Variants in KCNH7 observed in about 807,000 individuals in gnomAD.
KCNH7 encodes potassium voltage-gated channel subfamily H member 7.
A neutral mutation model predicts 120.8 loss-of-function variants in KCNH7; 49 were observed. The ratio of observed to expected loss-of-function variants is 0.41; its 90% CI spans 0.32 to 0.51. KCNH7 has a LOEUF of 0.51. KCNH7 is among the 20% of genes least tolerant of loss of function. KCNH7 has a pLI of 0.38. For synonymous variants in KCNH7, 547 were observed against 516.1 expected, an observed-to-expected ratio of 1.06 and a Z score of -0.81; for missense variants, 1,097 against 1,446.6, an observed-to-expected ratio of 0.76 and a Z score of 3.92.
At chr2:162,693,276 T>C (rs1686178054) in intron 2 of KCNH7, among the ~76,000 whole-genome samples, 1 of 152,116 alleles carries the variant, frequency 6.6e-6, no homozygotes, top group Non-Finnish European at 1.5e-5. Context: ...CACAAAAAAA[T>C]GATCACATCC....
At chr2:162,671,143 T>C (rs1161432115) in intron 2 of KCNH7, among the ~76,000 whole-genome samples, 1 of 152,036 alleles carries the variant, frequency 6.6e-6, no homozygotes, top group Non-Finnish European at 1.5e-5. Context: ...AATTAGTTCA[T>C]CTATGGAAAA....
At chr2:162,594,585 G>T (rs577263918) in intron 2 of KCNH7, among the ~76,000 whole-genome samples, 4 of 151,940 alleles carry the variant, frequency 2.6e-5, no homozygotes, top group African/African-American at 9.7e-5. Context: ...CTTCATATCT[G>T]TTGGTTCCAC....
At chr2:162,403,320 C>T (rs975700951) in intron 9 of KCNH7, among the ~76,000 whole-genome samples, 2 of 151,904 alleles carry the variant, frequency 1.3e-5, no homozygotes, top group Admixed American at 6.6e-5. Context: ...ATTGCATCAC[C>T]GCTTTAAGAA....
chr2:162,684,564 G>T (rs1685820409), intron 2 of KCNH7, among the ~76,000 whole-genome samples: 1 of 152,062 alleles, frequency 6.6e-6, no homozygotes, highest in African/African-American at 2.4e-5. Context: ...CTTCTCAAAA[G>T]AAGACATTTA....
intron 2 of KCNH7, among the ~76,000 whole-genome samples, chr2:162,551,251 A>C (rs1011022670): frequency 3.3e-5 from 5 of 152,188 alleles, no homozygotes; most frequent in Non-Finnish European, 7.3e-5. Flanking sequence ...ATTACTCAAC[A>C]TTCCAGGGGA....
intron 2 of KCNH7, among the ~76,000 whole-genome samples, chr2:162,756,384 A>T (rs986772440): frequency 1.3e-5 from 2 of 152,124 alleles, no homozygotes; most frequent in Admixed American, 6.6e-5. Context: ...ACTCTTCATT[A>T]ATGCTGTTGA....
intron 2 of KCNH7, among the ~76,000 whole-genome samples, chr2:162,558,275 C>T (rs1574099690): frequency 2.6e-5 from 4 of 151,722 alleles, no homozygotes; most frequent in East Asian, 1.9e-4. Context: ...CCTGGGTTCA[C>T]GCCATTCTCC....
At chr2:162,620,161 T>TAG (rs200537689) in intron 2 of KCNH7, among the ~76,000 whole-genome samples, 3 of 149,330 alleles carry the variant, frequency 2.0e-5, no homozygotes, top group African/African-American at 4.9e-5. Flanking sequence ...GATATATATA[T>TAG]AGAGAGAGAG....
intron 8 of KCNH7, among the ~76,000 whole-genome samples, chr2:162,426,374 T>C (rs747131845): frequency 2.6e-5 from 4 of 152,160 alleles, no homozygotes; most frequent in Non-Finnish European, 2.9e-5. Flanking sequence ...AAAATACTTA[T>C]GTTCTGTACA....
At chr2:162,503,243 T>G (rs116109162) in intron 6 of KCNH7, among the ~76,000 whole-genome samples, 2,331 of 152,058 alleles carry the variant, frequency 0.015, 63 homozygotes, top group African/African-American at 0.054. Context: ...TCCTATATAT[T>G]CATATAATGG....
At chr2:162,619,459 T>C (rs555810796) in intron 2 of KCNH7, among the ~76,000 whole-genome samples, 7 of 92,988 alleles carry the variant, frequency 7.5e-5, no homozygotes, top group African/African-American at 3.5e-4. Context: ...CACTCAATTG[T>C]TAAAAAAAAA....
At chr2:162,751,533 A>G (rs966925276) in intron 2 of KCNH7, among the ~76,000 whole-genome samples, 1 of 152,014 alleles carries the variant, frequency 6.6e-6, no homozygotes, top group Non-Finnish European at 1.5e-5. Flanking sequence ...AATTCATGAT[A>G]TAAAATATTA....
intron 2 of KCNH7, among the ~76,000 whole-genome samples, chr2:162,609,735 G>T (rs1029585281): frequency 3.3e-5 from 5 of 152,110 alleles, no homozygotes; most frequent in Non-Finnish European, 7.4e-5. Context: ...AGGGGAAACT[G>T]GGGAGTGGAG....
rs190992571 is a variant in KCNH7 at position 162,782,922 on chromosome 2, A to T, written c.307+53615T>A. 5.8e-3 allele frequency among the ~76,000 whole-genome samples: 881 copies of T among 152,262 alleles called. 5 individuals are homozygous for T. Among genetic ancestry groups the T allele is most frequent in the Non-Finnish European group, 8.4e-3 (573 of 68,014 alleles). On this transcript the variant is annotated intron_variant, in intron 2 of 15. Coordinates refer to ENST00000332142, the MANE Select transcript of KCNH7 (RefSeq NM_033272.4). ...AAGAGCAGCATATGTGAGATTGGGGAGGTGAAAGTGGAGTAGTTGAGTAGC... is the reference window on the plus strand; with the variant it reads ...AAGAGCAGCATATGTGAGATTGGGGTGGTGAAAGTGGAGTAGTTGAGTAGC...
At chr2:162,578,829 G>T (rs536116769) in intron 2 of KCNH7, among the ~76,000 whole-genome samples, 1 of 151,860 alleles carries the variant, frequency 6.6e-6, no homozygotes, top group Non-Finnish European at 1.5e-5. Context: ...AACATCTTAT[G>T]AGGAAAATCC....
chr2:162,435,030 C>T (rs1343288123), intron 8 of KCNH7, among the ~76,000 whole-genome samples, 168 bp downstream of exon 8: 1 of 152,082 alleles, frequency 6.6e-6, no homozygotes, highest in Non-Finnish European at 1.5e-5. Context: ...GGTGTCTCTA[C>T]TTCACAGAGA....
intron 6 of KCNH7, among the ~76,000 whole-genome samples, chr2:162,500,854 C>T (rs913821937): frequency 1.3e-5 from 2 of 152,010 alleles, no homozygotes; most frequent in African/African-American, 4.8e-5. Context: ...CAAGTAAAGT[C>T]TTTTGGTTAT....
At chr2:162,617,383 G>T (rs1683177495) in intron 2 of KCNH7, among the ~76,000 whole-genome samples, 1 of 152,182 alleles carries the variant, frequency 6.6e-6, no homozygotes, top group Non-Finnish European at 1.5e-5. Flanking sequence ...GGAGGCTGAG[G>T]CAGGAGAATG....
At chr2:162,596,287 T>C (rs1018009155) in intron 2 of KCNH7, among the ~76,000 whole-genome samples, 1 of 152,062 alleles carries the variant, frequency 6.6e-6, no homozygotes, top group African/African-American at 2.4e-5. Flanking sequence ...GGCATTGTAC[T>C]ACCTGATTTC....
Sources: gnomAD v4.1 joint callset for allele counts (sites outside exome capture counted in the v4.1 genomes callset) on GRCh38, gnomAD v4.1.1 for gene constraint, MANE v1.5 for transcripts, NCBI Gene and HGNC (gene_info 2026-07-23, HGNC 2026-07-21) for gene names.